The following DIAPH3 variants were observed in gnomAD, a reference collection of about 807,000 sequenced individuals.
DIAPH3 encodes the protein diaphanous related formin 3, also known as protein diaphanous homolog 3.
A neutral mutation model predicts 144.3 loss-of-function variants in DIAPH3; 117 were observed. That is an observed-to-expected ratio of 0.81 (90% CI 0.70 to 0.95). DIAPH3 has a LOEUF of 0.95. Among genes scored for constraint, DIAPH3 ranks in the 40% least tolerant of loss-of-function variants. The pLI is 0.00. For synonymous variants in DIAPH3, 519 were observed against 488.9 expected (o/e 1.06, Z -0.81); for missense variants, 1,421 against 1,412.7 (o/e 1.01, Z -0.09).
Position 59,898,026 on chromosome 13 carries a change from C to T in DIAPH3, c.2367+13709G>A, listed in dbSNP as rs186310960. ...GCACATGCCTGTAATCCTAGTTACT[C>T]GGGAGGCTGAGGCAGGAGAATCATT... On this transcript the variant is annotated intron_variant, in intron 20 of 27. Transcript: ENST00000400324. 1.9e-3 allele frequency among the ~76,000 whole-genome samples: 274 copies of T among 145,966 alleles called. 1 individual carries two copies. The highest frequency in any genetic ancestry group is 2.7e-3 in the Non-Finnish European group (180 of 67,068).
intron 22 of DIAPH3, among the ~76,000 whole-genome samples, chr13:59,857,918 T>TA (rs1013244590): frequency 2.0e-5 from 3 of 152,108 alleles, no homozygotes; most frequent in African/African-American, 7.2e-5. Context: ...AGAGAAAAGA[T>TA]ATCCAAAGAA....
At chr13:59,675,409 G>T (rs1230513383) in intron 27 of DIAPH3, among the ~76,000 whole-genome samples, 1 of 150,736 alleles carries the variant, frequency 6.6e-6, no homozygotes, top group Non-Finnish European at 1.5e-5. Context: ...TTTTGAGACG[G>T]AGTCTCGCTC....
chr13:59,981,514 A>C (rs368527577), intron 13 of DIAPH3, among the ~76,000 whole-genome samples: 21 of 150,790 alleles, frequency 1.4e-4, no homozygotes, highest in Middle Eastern at 3.2e-3. Flanking sequence ...TGTTAGACAA[A>C]AAAAAAAAAA....
chr13:59,888,289 T>C (rs1190112614), intron 20 of DIAPH3, among the ~76,000 whole-genome samples: 1 of 152,054 alleles, frequency 6.6e-6, no homozygotes, highest in Non-Finnish European at 1.5e-5. Flanking sequence ...AGGCAACATA[T>C]ATGAATCAGA....
chr13:59,753,823 ATG>A (rs918145997), intron 27 of DIAPH3, among the ~76,000 whole-genome samples: 11 of 152,220 alleles, frequency 7.2e-5, no homozygotes, highest in Non-Finnish European at 1.3e-4. Context: ...TGCTATAAAA[ATG>A]TGTGTTTCAC....
intron 3 of DIAPH3, among the ~76,000 whole-genome samples, chr13:60,095,754 G>A (rs1365604141): frequency 2.0e-5 from 3 of 151,970 alleles, no homozygotes; most frequent in Non-Finnish European, 4.4e-5. Flanking sequence ...TAAATACTTT[G>A]TATTGCATAG....
chr13:59,862,178 C>G (rs1483505313), intron 21 of DIAPH3, among the ~76,000 whole-genome samples: 3 of 152,118 alleles, frequency 2.0e-5, no homozygotes, highest in Admixed American at 6.6e-5. Context: ...TATGACACCT[C>G]TGAGGCAGCT....
chr13:59,998,390 T>A (rs1490677430), intron 9 of DIAPH3, among the ~76,000 whole-genome samples: 1 of 152,128 alleles, frequency 6.6e-6, no homozygotes, highest in African/African-American at 2.4e-5. Flanking sequence ...ATAAGCTTCT[T>A]AAGGGCAGAG....
intron 27 of DIAPH3, among the ~76,000 whole-genome samples, chr13:59,756,145 T>G (rs945484896): frequency 6.6e-6 from 1 of 152,102 alleles, no homozygotes; most frequent in Non-Finnish European, 1.5e-5. Flanking sequence ...AACCTGTATT[T>G]TGACAAGACC....
intron 2 of DIAPH3, among the ~76,000 whole-genome samples, chr13:60,129,662 CA>C (rs2059087685): frequency 1.3e-5 from 2 of 151,346 alleles, no homozygotes; most frequent in Non-Finnish European, 2.9e-5. Flanking sequence ...AAGTTCTGAC[CA>C]AAAAAAAGGC....
At chr13:59,790,810 TA>T (rs1283266298) in intron 25 of DIAPH3, among the ~76,000 whole-genome samples, 1 of 151,954 alleles carries the variant, frequency 6.6e-6, no homozygotes, top group East Asian at 1.9e-4. Context: ...TTAACAATTG[TA>T]AAAAAACTGG....
At position 59,714,870 on chromosome 13, in the gene DIAPH3, T is replaced by A. The variant is rs115732201; in HGVS notation, c.3320-48024A>T. ...GTGTGAATCATACAGCTCAATTTTATAAGAAAATTGTTTTTGAGAACAAAA... is the reference window on the plus strand; with the variant it reads ...GTGTGAATCATACAGCTCAATTTTAAAAGAAAATTGTTTTTGAGAACAAAA... On this transcript the variant is annotated intron_variant, in intron 27 of 27. Transcript: ENST00000400324. Among the ~76,000 whole-genome samples, 1,315 of 152,196 alleles carry A rather than the reference T, an allele frequency of 8.6e-3. 20 individuals are homozygous for A. Among genetic ancestry groups the A allele is most frequent in the African/African-American group, 0.03 (1,251 of 41,502 alleles).
At chr13:59,768,286 C>T (rs571371959) in intron 27 of DIAPH3, among the ~76,000 whole-genome samples, 1 of 151,998 alleles carries the variant, frequency 6.6e-6, no homozygotes, top group Non-Finnish European at 1.5e-5. Context: ...AAAAAATACT[C>T]TCAAAAAATA....
At chr13:59,878,845 ATAGT>A (rs2044804535) in intron 21 of DIAPH3, among the ~76,000 whole-genome samples, 1 of 152,050 alleles carries the variant, frequency 6.6e-6, no homozygotes, top group Admixed American at 6.6e-5. Flanking sequence ...AAATATTTAA[ATAGT>A]TAAAGGTAAA....
At chr13:59,769,448 C>G (rs1313118452) in intron 27 of DIAPH3, among the ~76,000 whole-genome samples, 1 of 152,088 alleles carries the variant, frequency 6.6e-6, no homozygotes, top group African/African-American at 2.4e-5. Context: ...TTGCCATTCT[C>G]TTGTTTTAAA....
At chr13:59,862,083 C>T (rs1441820430) in intron 21 of DIAPH3, among the ~76,000 whole-genome samples, 1 of 151,982 alleles carries the variant, frequency 6.6e-6, no homozygotes, top group Non-Finnish European at 1.5e-5. Context: ...GTTGTATGGG[C>T]TTAGGGAAAA....
chr13:59,671,057 T>C (rs1296235256), intron 27 of DIAPH3, among the ~76,000 whole-genome samples: 1 of 152,242 alleles, frequency 6.6e-6, no homozygotes, highest in African/African-American at 2.4e-5. Flanking sequence ...AGGTGTCTTT[T>C]GTTATCACCA....
chr13:60,029,677 C>T (rs2054644794), intron 5 of DIAPH3, among the ~76,000 whole-genome samples: 1 of 152,144 alleles, frequency 6.6e-6, no homozygotes, highest in South Asian at 2.1e-4. Context: ...CTGAGGCCTC[C>T]CCAGTAAAGC....
chr13:59,931,172 G>A (rs747412553), intron 17 of DIAPH3, among the ~76,000 whole-genome samples: 13 of 152,100 alleles, frequency 8.5e-5, no homozygotes, highest in East Asian at 1.9e-4. Context: ...TTCCCCTCAC[G>A]ATAATATCCT....
Sources: allele counts gnomAD v4.1 joint callset (sites outside exome capture counted in the v4.1 genomes callset), GRCh38; gene constraint gnomAD v4.1.1; transcripts MANE v1.5; gene names NCBI Gene and HGNC (gene_info 2026-07-23, HGNC 2026-07-21).